The following ARIH1 variants were observed in gnomAD, a reference collection of about 807,000 sequenced individuals.
The protein encoded by ARIH1 is ariadne RBR E3 ubiquitin protein ligase 1, also known as E3 ubiquitin-protein ligase ARIH1.
A neutral mutation model predicts 85.0 loss-of-function variants in ARIH1; 8 were observed. The observed-to-expected ratio is 0.09, with a 90% confidence interval of 0.06 to 0.17. ARIH1 has a LOEUF of 0.17. Ranked by LOEUF, ARIH1 falls within the 10% of genes least tolerant of loss-of-function variation. The pLI is 1.00. For synonymous variants in ARIH1, 238 were observed against 253.6 expected, an observed-to-expected ratio of 0.94 and a Z score of 0.59; for missense variants, 311 against 718.1, an observed-to-expected ratio of 0.43 and a Z score of 6.48.
intron 2 of ARIH1, among the ~76,000 whole-genome samples, chr15:72,527,745 G>C (rs927360781): frequency 6.6e-6 from 1 of 152,138 alleles, no homozygotes; most frequent in Admixed American, 6.5e-5. Context: ...CAAAACTCAA[G>C]TTAACCTTTT....
rs567743260 is a variant in ARIH1 at position 72,522,298 on chromosome 15, G to A, written c.443+4164G>A. Among the ~76,000 whole-genome samples the A allele has an allele frequency of 5.3e-5, 8 of 152,284 alleles. No individual in the cohort carries two copies. In the South Asian group the frequency reaches 1.7e-3, roughly 32 times the overall value. ...TGAGGCCAGGGAAGGCAGCTCACAT[G>A]AGGCCAGGAGTTTGAGACCAGCCTG... On this transcript the variant is annotated intron_variant, in intron 2 of 13. Transcript: ENST00000379887.
At chr15:72,503,934 C>A (rs985073585) in intron 1 of ARIH1, among the ~76,000 whole-genome samples, 13 of 152,226 alleles carry the variant, frequency 8.5e-5, no homozygotes, top group African/African-American at 2.9e-4. Flanking sequence ...TGTTACAATG[C>A]TGTCTTAGCT....
At chr15:72,518,996 A>G (rs1236800475) in intron 2 of ARIH1, among the ~76,000 whole-genome samples, 1 of 152,088 alleles carries the variant, frequency 6.6e-6, no homozygotes, top group Non-Finnish European at 1.5e-5. Flanking sequence ...GTTTTAAAAG[A>G]GAAGAAATTA....
rs539784251 is a variant in ARIH1, at chr15:72,505,828, C to T, written c.376-12239C>T. 1.5e-4 allele frequency among the ~76,000 whole-genome samples: 23 copies of T among 152,176 alleles called. No individual in the cohort carries two copies. The South Asian group carries it at 4.8e-3, about 32-fold the overall frequency. On this transcript the variant is annotated intron_variant, in intron 1 of 13. Coordinates refer to ENST00000379887, the MANE Select transcript of ARIH1 (RefSeq NM_005744.5). Reference sequence around the variant, plus strand: ...TTGGTTCACTGCACCCTCTGCCTCCCGAGTTCAAGCAGTTCTCCTTCTTCA... The same window carrying T: ...TTGGTTCACTGCACCCTCTGCCTCCTGAGTTCAAGCAGTTCTCCTTCTTCA...
At chr15:72,559,436 A>AT (rs912102424) in intron 5 of ARIH1, among the ~76,000 whole-genome samples, 3 of 151,688 alleles carry the variant, frequency 2.0e-5, no homozygotes, top group Non-Finnish European at 4.4e-5. Context: ...TGCTCGGCTA[A>AT]TTTTTTTGTA....
In ARIH1 at chr15:72,507,491, T is replaced by C. The variant is rs141144608; in HGVS notation, c.376-10576T>C. On this transcript the variant is annotated intron_variant, in intron 1 of 13. Coordinates refer to ENST00000379887, the MANE Select transcript of ARIH1 (RefSeq NM_005744.5). Reference sequence around the variant, plus strand: ...TGTCCCCCTCAGTCCTCTTCCTCACTCCCCCCATATTCTGATATATTTGGC... The same window carrying C: ...TGTCCCCCTCAGTCCTCTTCCTCACCCCCCCCATATTCTGATATATTTGGC... Among the ~76,000 whole-genome samples the C allele has an allele frequency of 1.5e-3, 229 of 152,024 alleles. 1 individual carries two copies. The highest frequency in any genetic ancestry group is 5.3e-3 in the African/African-American group (220 of 41,464).
intron 2 of ARIH1, among the ~76,000 whole-genome samples, chr15:72,532,696 T>A (rs1191592552): frequency 6.6e-6 from 1 of 151,916 alleles, no homozygotes; most frequent in Non-Finnish European, 1.5e-5. Context: ...CAGAAACACC[T>A]CAGAATATTA....
At chr15:72,578,373 C>T (rs1210469550) in intron 11 of ARIH1, among the ~76,000 whole-genome samples, 16 of 152,132 alleles carry the variant, frequency 1.1e-4, no homozygotes, top group Non-Finnish European at 1.5e-4. Context: ...GGGTTCTCTT[C>T]GATAGCATTG....
intron 11 of ARIH1, among the ~76,000 whole-genome samples, chr15:72,578,183 C>CT (rs2064280029): frequency 6.6e-6 from 1 of 152,188 alleles, no homozygotes; most frequent in African/African-American, 2.4e-5. Flanking sequence ...TCCACAGTCT[C>CT]TTTCGTGATT....
chr15:72,534,790 A>G (rs1293252100), intron 2 of ARIH1, among the ~76,000 whole-genome samples: 3 of 151,932 alleles, frequency 2.0e-5, no homozygotes, highest in Non-Finnish European at 4.4e-5. Flanking sequence ...ATAACTGTAT[A>G]TTCCTTGGGA....
intron 3 of ARIH1, among the ~76,000 whole-genome samples, chr15:72,549,935 T>C (rs1323579486): frequency 1.3e-5 from 2 of 152,160 alleles, no homozygotes; most frequent in African/African-American, 2.4e-5. Context: ...CAGGGAGCCA[T>C]GTAGGTGAAC....
At chr15:72,510,843 T>G (rs2063947891) in intron 1 of ARIH1, among the ~76,000 whole-genome samples, 1 of 151,774 alleles carries the variant, frequency 6.6e-6, no homozygotes, top group African/African-American at 2.4e-5. Context: ...TGGGTCTATT[T>G]CTGGTCTCCA....
chr15:72,566,528 C>T, intron 7 of ARIH1, 35 bp from the exon 8 acceptor site: 1 of 1,572,020 alleles, frequency 6.4e-7, no homozygotes, highest in African/African-American at 1.4e-5. Context: ...AGTAGGTAGG[C>T]CTTAATTCTA....
At chr15:72,535,876 G>T (rs1287035386) in intron 2 of ARIH1, among the ~76,000 whole-genome samples, 1 of 152,124 alleles carries the variant, frequency 6.6e-6, no homozygotes, top group African/African-American at 2.4e-5. Context: ...GGTTCTTGTC[G>T]TTTTGGGGAC....
chr15:72,506,367 A>AAAAAAAAAAAAAG (rs1555485516), intron 1 of ARIH1, among the ~76,000 whole-genome samples: 2 of 140,796 alleles, frequency 1.4e-5, no homozygotes, highest in Non-Finnish European at 3.1e-5. Context: ...AAAAAAAAAG[A>AAAAAAAAAAAAAG]AAAAAAAAAA....
At chr15:72,513,722 TCCCTCCTTCCCTCCCTCC>T (rs2063960467) in intron 1 of ARIH1, among the ~76,000 whole-genome samples, 1 of 17,176 alleles carries the variant, frequency 5.8e-5, no homozygotes, top group Non-Finnish European at 1.0e-4. Context: ...CCTCCCCCTG[TCCCTCCTTCCCTCCCTCC>T]CCCTCCCTCC....
intron 5 of ARIH1, among the ~76,000 whole-genome samples, chr15:72,557,362 C>T (rs73444794): frequency 0.038 from 5,814 of 152,036 alleles, 334 homozygotes; most frequent in African/African-American, 0.13. Flanking sequence ...ATGGCTACTT[C>T]GTTGACAAAG....
intron 1 of ARIH1, among the ~76,000 whole-genome samples, chr15:72,499,758 A>T (rs2063895094): frequency 2.0e-5 from 3 of 152,162 alleles, no homozygotes; most frequent in African/African-American, 7.2e-5. Context: ...TGTAATCAGG[A>T]TGGCTTTCCC....
intron 2 of ARIH1, among the ~76,000 whole-genome samples, chr15:72,525,474 A>C (rs1386648861): frequency 6.6e-6 from 1 of 152,224 alleles, no homozygotes; most frequent in Non-Finnish European, 1.5e-5. Flanking sequence ...GCCCATTGTA[A>C]TCAAACAAGG....
Sources: allele counts gnomAD v4.1 joint callset (sites outside exome capture counted in the v4.1 genomes callset), GRCh38; gene constraint gnomAD v4.1.1; transcripts MANE v1.5; gene names NCBI Gene and HGNC (gene_info 2026-07-23, HGNC 2026-07-21).